The following GREM2 variants were observed in gnomAD, a reference collection of about 807,000 sequenced individuals.
The protein encoded by GREM2 is gremlin-2.
Under a neutral mutation model 14.2 loss-of-function variants are expected in GREM2, and 11 were observed. The ratio of observed to expected loss-of-function variants is 0.78; its 90% CI spans 0.49 to 1.28. The LOEUF is 1.28. GREM2 is among the 50% of genes most tolerant of loss of function. The pLI, the probability that GREM2 is intolerant of heterozygous loss-of-function variation, is 0.00. For synonymous variants in GREM2, 98 were observed against 97.6 expected, an observed-to-expected ratio of 1.00 and a Z score of -0.02; for missense variants, 210 against 218.5, an observed-to-expected ratio of 0.96 and a Z score of 0.24.
chr1:240,578,844 G>C (rs1345245919), intron 1 of GREM2, among the ~76,000 whole-genome samples: 1 of 151,784 alleles, frequency 6.6e-6, no homozygotes, highest in Non-Finnish European at 1.5e-5. Context: ...CAAATTTCAA[G>C]ACTCTTCAGT....
chr1:240,498,447 C>T (rs550840319), intron 1 of GREM2, among the ~76,000 whole-genome samples: 37 of 152,276 alleles, frequency 2.4e-4, no homozygotes, highest in Middle Eastern at 6.8e-3. Flanking sequence ...AGGTGTTCGG[C>T]CATGGTGACC....
intron 1 of GREM2, among the ~76,000 whole-genome samples, chr1:240,532,961 ATTAT>A (rs1678397065): frequency 6.6e-6 from 1 of 152,176 alleles, no homozygotes; most frequent in Non-Finnish European, 1.5e-5. Flanking sequence ...ATTTATATTC[ATTAT>A]TCATTCAACC....
intron 1 of GREM2, among the ~76,000 whole-genome samples, chr1:240,545,144 G>T (rs1206554086): frequency 1.3e-5 from 2 of 152,224 alleles, no homozygotes; most frequent in Admixed American, 6.5e-5. Flanking sequence ...GGATTAGAGG[G>T]TTGGGACTTT....
chr1:240,520,393 A>G (rs534794302), intron 1 of GREM2, among the ~76,000 whole-genome samples: 10 of 152,200 alleles, frequency 6.6e-5, no homozygotes, highest in African/African-American at 2.4e-4. Flanking sequence ...CTTTTCACAA[A>G]ATGGTCATGG....
chr1:240,602,977 G>T (rs1345180469), intron 1 of GREM2, among the ~76,000 whole-genome samples: 1 of 152,126 alleles, frequency 6.6e-6, no homozygotes, highest in African/African-American at 2.4e-5. Context: ...GGAGGCTGAG[G>T]CAGGAGAATG....
chr1:240,512,793 T>C (rs1344488999), intron 1 of GREM2, among the ~76,000 whole-genome samples: 2 of 152,200 alleles, frequency 1.3e-5, no homozygotes, highest in East Asian at 3.9e-4. Flanking sequence ...ACATTTAAGT[T>C]ATTAAAGTTA....
chr1:240,586,252 T>C (rs572766233), intron 1 of GREM2, among the ~76,000 whole-genome samples: 18 of 152,326 alleles, frequency 1.2e-4, no homozygotes, highest in Middle Eastern at 3.4e-3. Flanking sequence ...AGTATGCTAT[T>C]AATACTTGTA....
At chr1:240,509,718 T>C (rs933597121) in intron 1 of GREM2, among the ~76,000 whole-genome samples, 2 of 152,096 alleles carry the variant, frequency 1.3e-5, no homozygotes, top group African/African-American at 4.8e-5. Context: ...CAGCTTCCCA[T>C]GAAGTTCGAA....
At chr1:240,597,232 C>T (rs569963401) in intron 1 of GREM2, among the ~76,000 whole-genome samples, 9 of 152,336 alleles carry the variant, frequency 5.9e-5, no homozygotes, top group South Asian at 4.1e-4. Flanking sequence ...GGAGCCAGGG[C>T]TCTCAGAGCA....
intron 1 of GREM2, among the ~76,000 whole-genome samples, chr1:240,528,034 C>T (rs1024286167): frequency 2.6e-5 from 4 of 152,074 alleles, no homozygotes; most frequent in Non-Finnish European, 5.9e-5. Context: ...AAACACAATA[C>T]TTATAATAGA....
At chr1:240,544,341 G>A (rs1030086734) in intron 1 of GREM2, among the ~76,000 whole-genome samples, 30 of 152,098 alleles carry the variant, frequency 2.0e-4, no homozygotes, top group Admixed American at 1.2e-3. Flanking sequence ...TAGACGCGGG[G>A]TTTCACCATG....
intron 1 of GREM2, among the ~76,000 whole-genome samples, chr1:240,499,454 C>T (rs1254701411): frequency 6.6e-6 from 1 of 152,198 alleles, no homozygotes; most frequent in Non-Finnish European, 1.5e-5. Context: ...AAACTTGCTC[C>T]CATTACCCAA....
chr1:240,498,385 G>GT lies in GREM2; in HGVS notation c.-1-4910dup, dbSNP rs146036024. On this transcript the variant is annotated intron_variant, in intron 1 of 1. Transcript: ENST00000318160. ...CTTTTCTCCTTCACACATAGCAATA[G>GT]TAAGATGGCCAAGGATCTGGCATCT... 4.5e-3 allele frequency among the ~76,000 whole-genome samples: 690 copies of GT among 152,220 alleles called. 3 individuals are homozygous for GT. Among genetic ancestry groups the GT allele is most frequent in the African/African-American group, 0.016 (650 of 41,528 alleles).
chr1:240,529,272 A>AT (rs1254943041), intron 1 of GREM2, among the ~76,000 whole-genome samples: 2 of 67,310 alleles, frequency 3.0e-5, no homozygotes, highest in Non-Finnish European at 6.7e-5. Flanking sequence ...GCCTATGATT[A>AT]TGTTTTTTTT....
At chr1:240,565,745 C>T (rs1332614066) in intron 1 of GREM2, among the ~76,000 whole-genome samples, 2 of 150,884 alleles carry the variant, frequency 1.3e-5, no homozygotes, top group African/African-American at 4.9e-5. Context: ...ACTCTGGAGG[C>T]TAAGGCAGGA....
At chr1:240,513,441 G>A (rs1677881161) in intron 1 of GREM2, among the ~76,000 whole-genome samples, 1 of 152,026 alleles carries the variant, frequency 6.6e-6, no homozygotes, top group Non-Finnish European at 1.5e-5. Context: ...TGGGCGTGGT[G>A]GCATGCGACT....
intron 1 of GREM2, chr1:240,530,582 A>T (rs555089579): frequency 2.0e-5 from 3 of 152,224 alleles, no homozygotes; most frequent in Non-Finnish European, 4.4e-5. Flanking sequence ...TAAAATATAC[A>T]ATTCAAAGGA....
chr1:240,522,120 C>CAAAAAAAAA (rs34438696), intron 1 of GREM2, among the ~76,000 whole-genome samples: 1 of 70,884 alleles, frequency 1.4e-5, no homozygotes, highest in Non-Finnish European at 3.0e-5. Flanking sequence ...ACCCTGTCTC[C>CAAAAAAAAA]AAAAAAAAAA....
chr1:240,575,298 T>G (rs1679339452), intron 1 of GREM2, among the ~76,000 whole-genome samples: 1 of 151,872 alleles, frequency 6.6e-6, no homozygotes, highest in South Asian at 2.1e-4. Context: ...CTTTTATCTT[T>G]CACAGCTGAA....
Sources: gnomAD v4.1 joint callset for allele counts (sites outside exome capture counted in the v4.1 genomes callset) on GRCh38, gnomAD v4.1.1 for gene constraint, MANE v1.5 for transcripts, NCBI Gene and HGNC (gene_info 2026-07-23, HGNC 2026-07-21) for gene names.